The following CNIH3 variants were observed in gnomAD, a reference collection of about 807,000 sequenced individuals.
The protein encoded by CNIH3 is protein cornichon homolog 3.
In CNIH3, 14 loss-of-function variants were observed where a neutral mutation model predicts 24.1. The ratio of observed to expected loss-of-function variants is 0.58; its 90% CI spans 0.38 to 0.91. The LOEUF (loss-of-function observed/expected upper bound fraction) is 0.91. Ranked by LOEUF, CNIH3 falls within the 40% of genes least tolerant of loss-of-function variation. CNIH3 has a pLI of 0.00. For missense variants in CNIH3, 178 were observed against 196.8 expected, an observed-to-expected ratio of 0.90 and a Z score of 0.57; for synonymous variants, 68 against 73.8, an observed-to-expected ratio of 0.92 and a Z score of 0.40.
At chr1:224,597,945 A>G (rs1682053991) in intron 3 of CNIH3, among the ~76,000 whole-genome samples, 1 of 152,232 alleles carries the variant, frequency 6.6e-6, no homozygotes, top group Non-Finnish European at 1.5e-5. Flanking sequence ...ACACAGTGTC[A>G]GAATTGAATT....
intron 1 of CNIH3, chr1:224,459,150 A>C: frequency 4.4e-6 from 4 of 918,592 alleles, no homozygotes; most frequent in Non-Finnish European, 5.2e-6. Flanking sequence ...TAGGACATCC[A>C]GGGCCCCTCT....
intron 1 of CNIH3, among the ~76,000 whole-genome samples, chr1:224,633,743 C>G (rs1379304375): frequency 6.6e-6 from 1 of 152,156 alleles, no homozygotes; most frequent in South Asian, 2.1e-4. Context: ...GATTATCCCC[C>G]CACCAGGACT....
intron 1 of CNIH3, among the ~76,000 whole-genome samples, chr1:224,678,831 G>A (rs529302881): frequency 6.6e-6 from 1 of 152,100 alleles, no homozygotes; most frequent in Non-Finnish European, 1.5e-5. Flanking sequence ...ATAGCTGCAT[G>A]TGGCTAGAGG....
At chr1:224,715,382 C>T (rs1438220117) in intron 3 of CNIH3, among the ~76,000 whole-genome samples, 1 of 152,130 alleles carries the variant, frequency 6.6e-6, no homozygotes, top group Non-Finnish European at 1.5e-5. Flanking sequence ...CCCATCTTAT[C>T]TCACTCTCCA....
intron 1 of CNIH3, among the ~76,000 whole-genome samples, chr1:224,449,840 C>T (rs1675317319): frequency 6.6e-6 from 1 of 152,144 alleles, no homozygotes; most frequent in Admixed American, 6.5e-5. Context: ...TCAAGTCCCT[C>T]ACCTGTGGCT....
chr1:224,621,059 A>G (rs903906488), intron 1 of CNIH3, among the ~76,000 whole-genome samples: 2 of 152,220 alleles, frequency 1.3e-5, no homozygotes, highest in Admixed American at 6.5e-5. Context: ...ACTGAATTTC[A>G]GGTCTTTAGC....
chr1:224,695,772 T>C (rs1687148548), intron 3 of CNIH3, among the ~76,000 whole-genome samples: 1 of 152,202 alleles, frequency 6.6e-6, no homozygotes, highest in African/African-American at 2.4e-5. Flanking sequence ...CTGGACCAGA[T>C]GAAACTAGGC....
intron 3 of CNIH3, among the ~76,000 whole-genome samples, chr1:224,727,572 T>G (rs571022375): frequency 9.8e-5 from 15 of 152,298 alleles, no homozygotes; most frequent in African/African-American, 3.4e-4. Context: ...AATGAGACCT[T>G]ACCACCTTCC....
At chr1:224,434,954 CGCCCCGACCCCATCCACG>C in intron 1 of CNIH3, 1 of 985,496 alleles carries the variant, frequency 1.0e-6, no homozygotes, top group South Asian at 4.7e-5. Flanking sequence ...CGGCGGGGTC[CGCCCCGACCCCATCCACG>C]ACCCCGACTC....
At chr1:224,524,703 G>C (rs1678776209) in intron 2 of CNIH3, among the ~76,000 whole-genome samples, 2 of 152,140 alleles carry the variant, frequency 1.3e-5, no homozygotes, top group Non-Finnish European at 1.5e-5. Context: ...CCAAGGGGTG[G>C]GTTGTTGGGT....
intron 2 of CNIH3, among the ~76,000 whole-genome samples, chr1:224,528,615 G>A (rs973926317): frequency 1.3e-5 from 2 of 152,174 alleles, no homozygotes; most frequent in Non-Finnish European, 2.9e-5. Context: ...CACAGCAGCT[G>A]GCCAATGCCT....
At chr1:224,711,726 T>A (rs1056234525) in intron 3 of CNIH3, among the ~76,000 whole-genome samples, 5 of 134,700 alleles carry the variant, frequency 3.7e-5, no homozygotes, top group African/African-American at 1.4e-4. Flanking sequence ...GCACAGGAGA[T>A]CAAGGCTGCA....
intron 2 of CNIH3, among the ~76,000 whole-genome samples, chr1:224,532,246 G>A (rs1679102978): frequency 6.6e-6 from 1 of 152,194 alleles, no homozygotes; most frequent in Non-Finnish European, 1.5e-5. Context: ...TCTAGAGAGT[G>A]CGAGGAACAG....
At chr1:224,673,339 C>T (rs943917228) in intron 1 of CNIH3, among the ~76,000 whole-genome samples, 6 of 152,140 alleles carry the variant, frequency 3.9e-5, no homozygotes, top group African/African-American at 7.2e-5. Context: ...GGATGAATCC[C>T]GCACAGTTGG....
intron 1 of CNIH3, among the ~76,000 whole-genome samples, chr1:224,486,757 A>C (rs1269569036): frequency 6.6e-6 from 1 of 152,218 alleles, no homozygotes; most frequent in African/African-American, 2.4e-5. Flanking sequence ...GTCATCTGCA[A>C]ATTGAATAAC....
chr1:224,714,478 G>A (rs1347184024), intron 3 of CNIH3, among the ~76,000 whole-genome samples: 4 of 152,214 alleles, frequency 2.6e-5, no homozygotes, highest in Non-Finnish European at 5.9e-5. Context: ...GAGCAAATAT[G>A]CACATGGAGC....
intron 1 of CNIH3, among the ~76,000 whole-genome samples, chr1:224,652,452 C>A (rs747608511): frequency 6.6e-6 from 1 of 152,082 alleles, no homozygotes; most frequent in African/African-American, 2.4e-5. Context: ...CAGAAGTGTC[C>A]GTTCCAAGCA....
chr1:224,672,327 A>G (rs1463525662), intron 1 of CNIH3, among the ~76,000 whole-genome samples: 1 of 152,212 alleles, frequency 6.6e-6, no homozygotes, highest in Non-Finnish European at 1.5e-5. Context: ...ACCAAAAGCC[A>G]TTCCTTCCAG....
intron 3 of CNIH3, among the ~76,000 whole-genome samples, chr1:224,549,112 C>A (rs572088087): frequency 2.0e-5 from 3 of 151,970 alleles, no homozygotes; most frequent in Admixed American, 6.6e-5. Flanking sequence ...AATATCAGAG[C>A]GATGATATTT....
Sources: allele counts gnomAD v4.1 joint callset (sites outside exome capture counted in the v4.1 genomes callset), GRCh38; gene constraint gnomAD v4.1.1; transcripts MANE v1.5; gene names NCBI Gene and HGNC (gene_info 2026-07-23, HGNC 2026-07-21).